ZFP2: variants seen among roughly 807,000 people sequenced by gnomAD.
ZFP2 encodes the protein zinc finger protein ZFP2.
Under a neutral mutation model 36.1 loss-of-function variants are expected in ZFP2, and 33 were observed. The ratio of observed to expected loss-of-function variants is 0.92; its 90% CI spans 0.69 to 1.22. The LOEUF is 1.22. Ranked by LOEUF, ZFP2 falls within the 50% of genes most tolerant of loss-of-function variation. The pLI is 0.00. For synonymous variants in ZFP2, 170 were observed against 178.0 expected, an observed-to-expected ratio of 0.96 and a Z score of 0.36; for missense variants, 522 against 551.4, an observed-to-expected ratio of 0.95 and a Z score of 0.53.
intron 1 of ZFP2, chr5:178,910,379 G>A (rs1328271553): frequency 9.0e-6 from 9 of 997,592 alleles, no homozygotes; most frequent in Non-Finnish European, 1.4e-5. Context: ...CGGCACTGGA[G>A]TTGGACTCCC....
intron 4 of ZFP2, among the ~76,000 whole-genome samples, chr5:178,927,967 G>A (rs965950858): frequency 6.6e-5 from 10 of 151,706 alleles, no homozygotes; most frequent in African/African-American, 1.9e-4. Context: ...GGCAAAAGGG[G>A]AGCAGGCATA....
chr5:178,901,774 T>C (rs374463421), intron 1 of ZFP2, among the ~76,000 whole-genome samples: 2,196 of 108,080 alleles, frequency 0.02, 67 homozygotes, highest in African/African-American at 0.058. Flanking sequence ...GGGTGGAAAA[T>C]GCATCTTGTG....
At chr5:178,921,575 GA>G (rs1156812273) in intron 4 of ZFP2, among the ~76,000 whole-genome samples, 3 of 149,274 alleles carry the variant, frequency 2.0e-5, no homozygotes, top group East Asian at 1.9e-4. Context: ...AGAGAAAGGG[GA>G]AAAAATAGGC....
chr5:178,919,871 C>T (rs929972834), intron 4 of ZFP2, among the ~76,000 whole-genome samples: 7 of 151,604 alleles, frequency 4.6e-5, no homozygotes, highest in Admixed American at 6.6e-5. Context: ...TGAGGAGGCA[C>T]GGGAATCGCT....
intron 1 of ZFP2, among the ~76,000 whole-genome samples, chr5:178,904,892 C>T (rs1447105414): frequency 1.3e-5 from 2 of 151,530 alleles, no homozygotes; most frequent in Admixed American, 6.6e-5. Context: ...TTAGTAGAGA[C>T]GGGGTTTCAC....
chr5:178,919,106 G>A (rs1263434202), intron 4 of ZFP2, among the ~76,000 whole-genome samples: 4 of 152,156 alleles, frequency 2.6e-5, no homozygotes, highest in Non-Finnish European at 5.9e-5. Flanking sequence ...CCTTGGTTCT[G>A]TTATTAGAGA....
chr5:178,927,117 T>C (rs1231070503), intron 4 of ZFP2, among the ~76,000 whole-genome samples: 1 of 152,180 alleles, frequency 6.6e-6, no homozygotes, highest in Admixed American at 6.5e-5. Flanking sequence ...TTGTCTGGGA[T>C]AAGAAATAGG....
chr5:178,901,517 T>C (rs915735532), intron 1 of ZFP2, among the ~76,000 whole-genome samples: 1 of 152,214 alleles, frequency 6.6e-6, no homozygotes, highest in Non-Finnish European at 1.5e-5. Flanking sequence ...CACTCTTTGG[T>C]GTTCCTTGGT....
chr5:178,896,314 G>C (rs1374696564), intron 1 of ZFP2, among the ~76,000 whole-genome samples: 1 of 152,238 alleles, frequency 6.6e-6, no homozygotes, highest in Non-Finnish European at 1.5e-5. Context: ...GGGTCAGGGA[G>C]GGGCCCAAGG....
At chr5:178,897,347 G>C (rs1283043619) in intron 1 of ZFP2, among the ~76,000 whole-genome samples, 1 of 152,114 alleles carries the variant, frequency 6.6e-6, no homozygotes, top group East Asian at 1.9e-4. Context: ...CACGCAGTTT[G>C]CATTTTGTAT....
At chr5:178,924,092 C>T (rs35869073) in intron 4 of ZFP2, among the ~76,000 whole-genome samples, 30,814 of 148,506 alleles carry the variant, frequency 0.21, 5,830 homozygotes, top group Non-Finnish European at 0.27. Flanking sequence ...AAGAAACCTA[C>T]GCAAGGTGTG....
Position 178,932,490 on chromosome 5 carries a change from C to T in ZFP2, c.1177C>T (p.Gln393Ter). ...CAATGAATGTGGAAAGGCATTCAGC[C>T]AGAGTGCTTACCTTATTGAACATCA... ...ECNECGKAFS[Q>*]SAYLIEHQRI... The change falls in exon 5 of 5, where the codon CAG becomes TAG. Residue 393 changes from glutamine (Q) to a stop codon, truncating the protein, a stop_gained. Coordinates refer to ENST00000361362, the MANE Select transcript of ZFP2 (RefSeq NM_030613.4). LOFTEE classifies it high-confidence loss of function. 6.2e-7 allele frequency: 1 copy of T among 1,614,054 alleles called. No homozygotes were observed. Among genetic ancestry groups the T allele is most frequent in the Non-Finnish European group, 8.5e-7 (1 of 1,180,014 alleles).
chr5:178,912,190 G>C (rs1758312582), intron 1 of ZFP2, among the ~76,000 whole-genome samples: 2 of 152,186 alleles, frequency 1.3e-5, no homozygotes, highest in Non-Finnish European at 2.9e-5. Context: ...GGCTGTGACT[G>C]TATGTGGCTG....
At chr5:178,926,830 T>G (rs1420226214) in intron 4 of ZFP2, among the ~76,000 whole-genome samples, 5 of 152,184 alleles carry the variant, frequency 3.3e-5, no homozygotes, top group Non-Finnish European at 7.3e-5. Context: ...CTGCTGGTAT[T>G]TTCATACTCA....
At chr5:178,930,176 T>G (rs890076764) in intron 4 of ZFP2, among the ~76,000 whole-genome samples, 1 of 151,916 alleles carries the variant, frequency 6.6e-6, no homozygotes, top group African/African-American at 2.4e-5. Context: ...CCTCCAACAC[T>G]GGGGATTACA....
intron 1 of ZFP2, among the ~76,000 whole-genome samples, chr5:178,905,160 T>C (rs925378431): frequency 5.3e-5 from 8 of 152,200 alleles, no homozygotes; most frequent in Non-Finnish European, 1.2e-4. Flanking sequence ...AATTTCAAAG[T>C]GTGTAAGTCA....
Position 178,931,367 on chromosome 5 carries a change from T to G in ZFP2, c.54T>G (p.Asn18Lys). 1 of 1,613,618 alleles carries G rather than the reference T, an allele frequency of 6.2e-7. No homozygotes were observed. Among genetic ancestry groups the G allele is most frequent in the Non-Finnish European group, 8.5e-7 (1 of 1,179,864 alleles). Residue 18 changes from asparagine to lysine, a missense_variant, in exon 5 of 5, where the codon AAT (asparagine) becomes AAG (lysine). By Grantham distance (94) the Asn-to-Lys change is moderately conservative (BLOSUM62 0). Transcript: ENST00000361362. ...HSTLGETWEP[N>K]NWLEGQQDSH... ...CTCTAGGGGAAACCTGGGAACCTAA[T>G]AATTGGTTAGAGGGACAACAGGATA...
chr5:178,916,527 C>T, intron 3 of ZFP2, 38 bp from the exon 4 acceptor site: 1 of 985,078 alleles, frequency 1.0e-6, no homozygotes, highest in Non-Finnish European at 1.2e-6. Context: ...GCCCATAGAA[C>T]ATGATGATTT....
chr5:178,898,049 G>C (rs945718092), intron 1 of ZFP2, among the ~76,000 whole-genome samples: 5 of 152,078 alleles, frequency 3.3e-5, no homozygotes, highest in Non-Finnish European at 5.9e-5. Flanking sequence ...AGAGTGCAGT[G>C]GTGTGATCTC....
Sources: gnomAD v4.1 joint callset for allele counts (sites outside exome capture counted in the v4.1 genomes callset) on GRCh38, gnomAD v4.1.1 for gene constraint, MANE v1.5 for transcripts, NCBI Gene and HGNC (gene_info 2026-07-23, HGNC 2026-07-21) for gene names.